ANO6: variants seen among roughly 807,000 people sequenced by gnomAD.
The protein encoded by ANO6 is anoctamin 6.
A neutral mutation model predicts 117.5 loss-of-function variants in ANO6; 106 were observed. That is an observed-to-expected ratio of 0.90 (90% CI 0.77 to 1.06). ANO6 has a LOEUF of 1.06. ANO6 is among the 50% of genes least tolerant of loss of function. The pLI is 0.00. For missense variants in ANO6, 955 were observed against 1,121.1 expected, an observed-to-expected ratio of 0.85 and a Z score of 2.12; for synonymous variants, 367 against 385.1, an observed-to-expected ratio of 0.95 and a Z score of 0.55.
At chr12:45,272,242 A>C (rs891577498) in intron 1 of ANO6, among the ~76,000 whole-genome samples, 1 of 151,976 alleles carries the variant, frequency 6.6e-6, no homozygotes, top group African/African-American at 2.4e-5. Context: ...TTTAACAAAA[A>C]CTACTAATGA....
At chr12:45,261,359 G>A (rs148693231) in intron 1 of ANO6, among the ~76,000 whole-genome samples, 42 of 152,310 alleles carry the variant, frequency 2.8e-4, no homozygotes, top group Non-Finnish European at 4.1e-4. Flanking sequence ...TGCTATCCTG[G>A]ATTGGACACT....
rs190525906 is a variant in ANO6, at chr12:45,284,995, G to A, written c.71-17019G>A. 2.0e-4 allele frequency among the ~76,000 whole-genome samples: 30 copies of A among 152,322 alleles called. No homozygotes were observed. In the East Asian group the frequency reaches 4.8e-3, roughly 24 times the overall value. ...TAAGTGCATATTTAAGAAATTTTAA[G>A]TAGCTTGAATCTCTAAGATGATTTA... On this transcript the variant is annotated intron_variant, in intron 1 of 19. Coordinates refer to ENST00000320560, the MANE Select transcript of ANO6 (RefSeq NM_001025356.3).
At chr12:45,258,067 GA>G (rs1328008773) in intron 1 of ANO6, among the ~76,000 whole-genome samples, 3 of 152,138 alleles carry the variant, frequency 2.0e-5, no homozygotes, top group African/African-American at 7.2e-5. Context: ...AGTATTTGAA[GA>G]AAACTTGGTT....
At chr12:45,364,219 C>T (rs891060977) in intron 8 of ANO6, among the ~76,000 whole-genome samples, 1 of 152,204 alleles carries the variant, frequency 6.6e-6, no homozygotes, top group African/African-American at 2.4e-5. Flanking sequence ...CTGCTATCAT[C>T]ATTCTTTGCC....
intron 9 of ANO6, among the ~76,000 whole-genome samples, chr12:45,375,190 C>T (rs1325868040): frequency 1.3e-5 from 2 of 152,028 alleles, no homozygotes; most frequent in East Asian, 3.9e-4. Context: ...AACCACTGCT[C>T]AAGGAAATAA....
At chr12:45,436,990 C>G (rs1056422526), downstream of ANO6, among the ~76,000 whole-genome samples, 1 of 152,074 alleles carries the variant, frequency 6.6e-6, no homozygotes, top group Admixed American at 6.6e-5. Context: ...TCCACACTTA[C>G]AGTAAGCTGC....
At chr12:45,319,145 A>G (rs1350941364) in intron 2 of ANO6, among the ~76,000 whole-genome samples, 1 of 152,190 alleles carries the variant, frequency 6.6e-6, no homozygotes, top group African/African-American at 2.4e-5. Flanking sequence ...AGAACTTCCA[A>G]CACTATGTCG....
At chr12:45,252,511 T>C (rs1262299810) in intron 1 of ANO6, among the ~76,000 whole-genome samples, 1 of 152,232 alleles carries the variant, frequency 6.6e-6, no homozygotes, top group Non-Finnish European at 1.5e-5. Context: ...TTAACTACTG[T>C]TTTTATGAGC....
At chr12:45,278,995 G>A (rs1050639518) in intron 1 of ANO6, among the ~76,000 whole-genome samples, 7 of 152,170 alleles carry the variant, frequency 4.6e-5, no homozygotes, top group African/African-American at 1.7e-4. Flanking sequence ...TCAACATTCA[G>A]CAGTAATCTT....
chr12:45,341,118 T>C (rs1483502289), intron 3 of ANO6, among the ~76,000 whole-genome samples: 1 of 152,182 alleles, frequency 6.6e-6, no homozygotes, highest in Non-Finnish European at 1.5e-5. Context: ...GGTGGTAAAA[T>C]GGAGGGCATT....
chr12:45,218,088 A>G (rs1273099029), intron 1 of ANO6, among the ~76,000 whole-genome samples: 1 of 152,184 alleles, frequency 6.6e-6, no homozygotes. Flanking sequence ...CATTCATGCT[A>G]GTTTTGTCCA....
intron 2 of ANO6, among the ~76,000 whole-genome samples, chr12:45,326,223 C>T (rs1379885268): frequency 6.6e-6 from 1 of 152,136 alleles, no homozygotes. Flanking sequence ...CCCTTGCATA[C>T]AAGGCATTTC....
At chr12:45,355,525 G>A (rs1941387336) in intron 7 of ANO6, among the ~76,000 whole-genome samples, 1 of 152,242 alleles carries the variant, frequency 6.6e-6, no homozygotes, top group East Asian at 1.9e-4. Flanking sequence ...ATGGATGGCT[G>A]ATGAAAACTT....
At chr12:45,396,233 C>G (rs1014521800) in intron 12 of ANO6, among the ~76,000 whole-genome samples, 1 of 152,106 alleles carries the variant, frequency 6.6e-6, no homozygotes, top group African/African-American at 2.4e-5. Flanking sequence ...GAGTGAACTC[C>G]CATTCACAAT....
chr12:45,314,247 A>G (rs141706796), intron 2 of ANO6, among the ~76,000 whole-genome samples: 119 of 152,128 alleles, frequency 7.8e-4, no homozygotes, highest in African/African-American at 2.5e-3. Context: ...TCTTGGTCTT[A>G]GTAGAACCTA....
At chr12:45,296,352 A>C (rs1224894739) in intron 1 of ANO6, among the ~76,000 whole-genome samples, 1 of 152,130 alleles carries the variant, frequency 6.6e-6, no homozygotes, top group Non-Finnish European at 1.5e-5. Flanking sequence ...TCCTGAGGTT[A>C]GATTCTGTAC....
chr12:45,406,995 C>A (rs1443876240), intron 15 of ANO6, among the ~76,000 whole-genome samples: 2 of 152,114 alleles, frequency 1.3e-5, no homozygotes, highest in Non-Finnish European at 2.9e-5. Flanking sequence ...TATTTTGTAA[C>A]CCCTGCTTCT....
At chr12:45,359,475 A>G (rs1203690623) in intron 8 of ANO6, among the ~76,000 whole-genome samples, 3 of 152,342 alleles carry the variant, frequency 2.0e-5, no homozygotes, top group African/African-American at 7.2e-5. Flanking sequence ...GCCCCTGGCA[A>G]CCAACAGTCT....
intron 1 of ANO6, among the ~76,000 whole-genome samples, chr12:45,293,507 A>T (rs866961110): frequency 0.024 from 3,514 of 146,234 alleles, 129 homozygotes; most frequent in African/African-American, 0.08. Flanking sequence ...TCACTCTTTA[A>T]AAAAAAAAAC....
Sources: allele counts gnomAD v4.1 joint callset (sites outside exome capture counted in the v4.1 genomes callset), GRCh38; gene constraint gnomAD v4.1.1; transcripts MANE v1.5; gene names NCBI Gene and HGNC (gene_info 2026-07-23, HGNC 2026-07-21).